The following POFUT3 variants were observed in gnomAD, a reference collection of about 807,000 sequenced individuals.
POFUT3 encodes the protein GDP-fucose protein O-fucosyltransferase 3.
At chr8:33,458,899 T>C in the POFUT3 span, among the ~76,000 whole-genome samples, 4 of 152,144 alleles carry the variant, frequency 2.6e-5, no homozygotes, top group African/African-American at 9.7e-5. Context: ...TACAGCACCA[T>C]ATTGTCTGCC....
chr8:33,319,239 A>G, the POFUT3 span, among the ~76,000 whole-genome samples: 11 of 103,108 alleles, frequency 1.1e-4, 2 homozygotes, highest in African/African-American at 4.5e-4. Flanking sequence ...TTTACATAAT[A>G]TATAAATATA....
chr8:33,358,273 T>A, the POFUT3 span, among the ~76,000 whole-genome samples: 1 of 152,000 alleles, frequency 6.6e-6, no homozygotes, highest in Non-Finnish European at 1.5e-5. Context: ...AATAAATAAA[T>A]TTTAAAAAGG....
chr8:33,366,049 C>T, the POFUT3 span, among the ~76,000 whole-genome samples: 1,244 of 152,170 alleles, frequency 8.2e-3, 9 homozygotes, highest in Non-Finnish European at 0.014. Context: ...ACTGTGGCAC[C>T]GTATACACCA....
At chr8:33,338,371 G>A in the POFUT3 span, among the ~76,000 whole-genome samples, 1 of 152,000 alleles carries the variant, frequency 6.6e-6, no homozygotes, top group East Asian at 1.9e-4. Flanking sequence ...TGTAAAAGAG[G>A]GAGAAGCACT....
chr8:33,308,904 T>A, the POFUT3 span, among the ~76,000 whole-genome samples: 1 of 149,788 alleles, frequency 6.7e-6, no homozygotes, highest in African/African-American at 2.4e-5. Context: ...TGGTGGTGAA[T>A]CGTCCATAGT....
chr8:33,428,635 T>G, the POFUT3 span, among the ~76,000 whole-genome samples: 7,149 of 152,256 alleles, frequency 0.047, 276 homozygotes, highest in African/African-American at 0.1. Context: ...AAGCATGTGT[T>G]GGAAACTTAA....
chr8:33,418,674 C>T, the POFUT3 span, among the ~76,000 whole-genome samples: 2 of 152,094 alleles, frequency 1.3e-5, no homozygotes, highest in Non-Finnish European at 2.9e-5. Flanking sequence ...ATGGAGATTT[C>T]TTCAAAAACT....
At chr8:33,313,729 C>T in the POFUT3 span, among the ~76,000 whole-genome samples, 11 of 152,128 alleles carry the variant, frequency 7.2e-5, no homozygotes, top group African/African-American at 2.7e-4. Flanking sequence ...AGCATAGATT[C>T]AAATTATCCT....
chr8:33,449,276 T>C, the POFUT3 span, among the ~76,000 whole-genome samples: 1 of 129,184 alleles, frequency 7.7e-6, no homozygotes, highest in Non-Finnish European at 1.6e-5. Context: ...ATATCCGAGT[T>C]GATTTTTTTT....
At chr8:33,455,707 C>A in the POFUT3 span, 1 of 420,528 alleles carries the variant, frequency 2.4e-6, no homozygotes, top group Non-Finnish European at 4.8e-6. Context: ...CTCCACCAGT[C>A]GGCCATGGAG....
the POFUT3 span, among the ~76,000 whole-genome samples, chr8:33,429,669 A>G: frequency 6.6e-6 from 1 of 151,960 alleles, no homozygotes; most frequent in Non-Finnish European, 1.5e-5. Flanking sequence ...TGCAACCAAC[A>G]ATGAGGAGAA....
At chr8:33,451,091 T>TGTGTAC in the POFUT3 span, among the ~76,000 whole-genome samples, 22 of 151,436 alleles carry the variant, frequency 1.5e-4, no homozygotes, top group African/African-American at 5.3e-4. Flanking sequence ...TGTGTGTGTG[T>TGTGTAC]ACACATACAT....
At chr8:33,404,354 A>G in the POFUT3 span, among the ~76,000 whole-genome samples, 2 of 138,000 alleles carry the variant, frequency 1.4e-5, no homozygotes, top group Admixed American at 6.9e-5. Context: ...AAAAAAAAAG[A>G]AAAAGAAAAA....
the POFUT3 span, among the ~76,000 whole-genome samples, chr8:33,456,800 C>T: frequency 6.9e-6 from 1 of 144,514 alleles, no homozygotes; most frequent in South Asian, 2.2e-4. Context: ...GACAGAGTCT[C>T]GCTCTGTCAC....
the POFUT3 span, chr8:33,461,846 C>T: frequency 5.5e-6 from 2 of 363,574 alleles, no homozygotes; most frequent in South Asian, 4.5e-5. Context: ...ATCATGTAGT[C>T]CTAGTACCTC....
At chr8:33,354,513 C>T in the POFUT3 span, among the ~76,000 whole-genome samples, 73 of 152,242 alleles carry the variant, frequency 4.8e-4, no homozygotes, top group African/African-American at 1.7e-3. Flanking sequence ...AGAGATAATT[C>T]GCTCTTCTTG....
the POFUT3 span, among the ~76,000 whole-genome samples, chr8:33,429,060 A>C: frequency 1.6e-4 from 24 of 152,348 alleles, no homozygotes; most frequent in Middle Eastern, 6.8e-3. Context: ...ACCCTGCCCC[A>C]GGCAATATGT....
the POFUT3 span, chr8:33,453,352 G>A: frequency 1.9e-6 from 3 of 1,614,182 alleles, no homozygotes; most frequent in Non-Finnish European, 2.5e-6. Flanking sequence ...TAATGGGGTA[G>A]CTGTCCAATT....
chr8:33,461,424 A>G, the POFUT3 span: 3 of 1,613,642 alleles, frequency 1.9e-6, no homozygotes, highest in East Asian at 4.5e-5. Context: ...GCAAGATGCC[A>G]AAAGCTTCCT....
Sources: allele counts gnomAD v4.1 joint callset (sites outside exome capture counted in the v4.1 genomes callset), GRCh38; gene constraint gnomAD v4.1.1; transcripts MANE v1.5; gene names NCBI Gene and HGNC (gene_info 2026-07-23, HGNC 2026-07-21).